The following NKAIN2 variants were observed in gnomAD, a reference collection of about 807,000 sequenced individuals.
NKAIN2 encodes the protein sodium/potassium transporting ATPase interacting 2.
Under a neutral mutation model 32.6 loss-of-function variants are expected in NKAIN2, and 14 were observed. The ratio of observed to expected loss-of-function variants is 0.43; its 90% CI spans 0.28 to 0.67. NKAIN2 has a LOEUF of 0.67. Among genes scored for constraint, NKAIN2 ranks in the 30% least tolerant of loss-of-function variants. NKAIN2 has a pLI of 0.17. For synonymous variants in NKAIN2, 80 were observed against 87.2 expected, an observed-to-expected ratio of 0.92 and a Z score of 0.46; for missense variants, 198 against 258.3, an observed-to-expected ratio of 0.77 and a Z score of 1.60.
intron 3 of NKAIN2, among the ~76,000 whole-genome samples, chr6:124,498,283 G>T (rs1270468578): frequency 6.6e-6 from 1 of 152,114 alleles, no homozygotes. Flanking sequence ...AAGCAGATCG[G>T]ATTTTATTTT....
chr6:124,354,006 T>C (rs1395190180), intron 2 of NKAIN2, among the ~76,000 whole-genome samples: 1 of 152,180 alleles, frequency 6.6e-6, no homozygotes, highest in Non-Finnish European at 1.5e-5. Context: ...TATCCTCTTG[T>C]TTCACTTTTT....
At chr6:124,278,000 AAAT>A (rs60112785) in intron 1 of NKAIN2, among the ~76,000 whole-genome samples, 12,952 of 152,126 alleles carry the variant, frequency 0.085, 912 homozygotes, top group African/African-American at 0.19. Flanking sequence ...AAGGACATAA[AAAT>A]AATATTATAG....
chr6:124,009,482 G>C (rs12665598), intron 1 of NKAIN2, among the ~76,000 whole-genome samples: 43,120 of 151,950 alleles, frequency 0.28, 6,349 homozygotes, highest in East Asian at 0.39. Flanking sequence ...AATAATGCTG[G>C]GTGGCGGCTT....
chr6:124,331,411 C>T (rs1797654641), intron 2 of NKAIN2, among the ~76,000 whole-genome samples: 1 of 144,370 alleles, frequency 6.9e-6, no homozygotes, highest in African/African-American at 2.6e-5. Context: ...TGCCTGTAGT[C>T]CCAACTACAC....
At chr6:124,051,733 T>G (rs1157052719) in intron 1 of NKAIN2, among the ~76,000 whole-genome samples, 1 of 151,954 alleles carries the variant, frequency 6.6e-6, no homozygotes, top group East Asian at 1.9e-4. Context: ...TCAAAATAAT[T>G]TCATTGAATT....
intron 3 of NKAIN2, among the ~76,000 whole-genome samples, chr6:124,640,690 A>G (rs1783952899): frequency 6.6e-6 from 1 of 152,204 alleles, no homozygotes; most frequent in South Asian, 2.1e-4. Context: ...GAGAAGACTC[A>G]TTTTGCCAAA....
intron 5 of NKAIN2, among the ~76,000 whole-genome samples, chr6:124,812,843 G>C (rs1489470464): frequency 6.6e-6 from 1 of 151,656 alleles, no homozygotes; most frequent in Non-Finnish European, 1.5e-5. Flanking sequence ...AACTTGCCAT[G>C]AACTATGTTT....
intron 3 of NKAIN2, among the ~76,000 whole-genome samples, chr6:124,647,244 A>C (rs573965237): frequency 2.6e-5 from 4 of 151,990 alleles, no homozygotes; most frequent in African/African-American, 9.6e-5. Context: ...TGTATAAAAT[A>C]TTCTATTAAA....
chr6:123,937,342 G>C (rs1037033434), intron 1 of NKAIN2, among the ~76,000 whole-genome samples: 1 of 152,042 alleles, frequency 6.6e-6, no homozygotes, highest in African/African-American at 2.4e-5. Context: ...GGACTTCTCT[G>C]TTCATAAGCA....
intron 1 of NKAIN2, among the ~76,000 whole-genome samples, chr6:123,932,406 C>CTTT (rs57063550): frequency 4.8e-5 from 5 of 104,434 alleles, no homozygotes; most frequent in East Asian, 2.5e-4. Context: ...TTCTGTCTTT[C>CTTT]TTTTTTTTTT....
intron 3 of NKAIN2, among the ~76,000 whole-genome samples, chr6:124,357,834 G>T (rs1240204642): frequency 6.6e-6 from 1 of 150,518 alleles, no homozygotes; most frequent in Non-Finnish European, 1.5e-5. Flanking sequence ...GTGCAGGTTT[G>T]TTACATATGT....
chr6:124,339,074 G>A (rs1798002266), intron 2 of NKAIN2, among the ~76,000 whole-genome samples: 1 of 152,152 alleles, frequency 6.6e-6, no homozygotes, highest in Non-Finnish European at 1.5e-5. Flanking sequence ...TGGGTGCAGT[G>A]GCTCATGCCT....
In NKAIN2 at chr6:124,658,342, C is replaced by T; in HGVS notation, c.430C>T (p.Gln144Ter). Residue 144 changes from glutamine to a stop codon, truncating the protein, a stop_gained, in exon 4 of 7, where the codon CAG (glutamine) becomes TAG (stop). Coordinates refer to ENST00000368417, the MANE Select transcript of NKAIN2 (RefSeq NM_001040214.3). LOFTEE classifies it high-confidence loss of function. ...GGTCTCAGGGTGTTTGCTGGAGTAC[C>T]AGTACATAGAAGTGGCTCATAGTTC... ...ITVSGCLLEYQYIEVAHSSLQ... is the reference protein window; with the variant it reads ...ITVSGCLLEY 1 of 1,614,088 alleles carries T rather than the reference C, an allele frequency of 6.2e-7. No homozygotes were observed. Among genetic ancestry groups the T allele is most frequent in the Non-Finnish European group, 8.5e-7 (1 of 1,179,998 alleles).
chr6:124,306,577 G>T (rs761403260), intron 2 of NKAIN2, among the ~76,000 whole-genome samples: 1 of 152,110 alleles, frequency 6.6e-6, no homozygotes, highest in African/African-American at 2.4e-5. Flanking sequence ...ACAGCAAGCT[G>T]CCTTTGAAGT....
chr6:124,553,386 C>T lies in NKAIN2; in HGVS notation c.274-104800C>T, dbSNP rs533081337. ...GCAATGGCACAATCTCAGCTCACTG[C>T]AACCTCCGCCTCCCAGGTTCAAGCG... On this transcript the variant is annotated intron_variant, in intron 3 of 6. Transcript: ENST00000368417. Among the ~76,000 whole-genome samples the T allele has an allele frequency of 1.2e-4, 19 of 152,332 alleles. No individual in the cohort carries two copies. The South Asian group carries it at 3.9e-3, about 32-fold the overall frequency.
chr6:124,246,355 C>A (rs1793396803), intron 1 of NKAIN2, among the ~76,000 whole-genome samples: 2 of 152,020 alleles, frequency 1.3e-5, no homozygotes, highest in Non-Finnish European at 2.9e-5. Context: ...CAGTATCACC[C>A]AACTTGACTC....
chr6:124,113,557 G>T (rs1227086516), intron 1 of NKAIN2, among the ~76,000 whole-genome samples: 1 of 152,092 alleles, frequency 6.6e-6, no homozygotes, highest in East Asian at 1.9e-4. Flanking sequence ...TGTCTAGACT[G>T]TGCTGGGCCC....
intron 1 of NKAIN2, among the ~76,000 whole-genome samples, chr6:124,271,632 C>G (rs1370090422): frequency 6.6e-6 from 1 of 152,066 alleles, no homozygotes; most frequent in East Asian, 1.9e-4. Flanking sequence ...TAAAGATAAC[C>G]TGAAAATGTG....
At chr6:123,982,382 G>T (rs1004164821) in intron 1 of NKAIN2, among the ~76,000 whole-genome samples, 2 of 152,198 alleles carry the variant, frequency 1.3e-5, no homozygotes, top group Non-Finnish European at 2.9e-5. Flanking sequence ...ATAAAGAAAG[G>T]TGACTTTAGG....
Sources: gnomAD v4.1 joint callset for allele counts (sites outside exome capture counted in the v4.1 genomes callset) on GRCh38, gnomAD v4.1.1 for gene constraint, MANE v1.5 for transcripts, NCBI Gene and HGNC (gene_info 2026-07-23, HGNC 2026-07-21) for gene names.